Variants in AGBL1 observed in about 807,000 individuals in gnomAD.
The protein encoded by AGBL1 is AGBL carboxypeptidase 1.
AGBL1 carries 130 observed loss-of-function variants against 118.9 expected under a neutral mutation model. The ratio of observed to expected loss-of-function variants is 1.09; its 90% confidence interval spans 0.95 to 1.26. The LOEUF is 1.26. AGBL1 is among the 50% of genes most tolerant of loss of function. The pLI is 0.00. For missense variants in AGBL1, 1,584 were observed against 1,298.1 expected (o/e 1.22, Z -3.38); for synonymous variants, 555 against 478.9 (o/e 1.16, Z -2.08).
chr15:86,154,403 C>T (rs753183150), intron 3 of AGBL1, 27 bp from the exon 4 acceptor site: 6 of 1,606,424 alleles, frequency 3.7e-6, no homozygotes, highest in Non-Finnish European at 4.3e-6. Flanking sequence ...TGAAGTGCAA[C>T]TAAGATAGAT....
intron 17 of AGBL1, among the ~76,000 whole-genome samples, chr15:86,342,915 A>G (rs1046546070): frequency 6.6e-6 from 1 of 152,220 alleles, no homozygotes; most frequent in African/African-American, 2.4e-5. Flanking sequence ...TGAGAGCAGC[A>G]TTTTGTAAAT....
At chr15:86,487,602 A>G (rs1013183202) in intron 18 of AGBL1, among the ~76,000 whole-genome samples, 7 of 151,982 alleles carry the variant, frequency 4.6e-5, no homozygotes, top group African/African-American at 1.4e-4. Flanking sequence ...GCTTCAATCT[A>G]AAGGAGAATG....
intron 22 of AGBL1, among the ~76,000 whole-genome samples, chr15:86,897,262 G>A (rs1408134524): frequency 1.3e-5 from 2 of 152,134 alleles, no homozygotes; most frequent in East Asian, 1.9e-4. Context: ...CTTTGACATA[G>A]AGACAGTATT....
At chr15:86,488,016 C>G (rs1162817903) in intron 18 of AGBL1, among the ~76,000 whole-genome samples, 1 of 152,000 alleles carries the variant, frequency 6.6e-6, no homozygotes, top group African/African-American at 2.4e-5. Context: ...AATAAGAGCA[C>G]TAAACATCAT....
chr15:86,449,464 G>A (rs901558397), intron 18 of AGBL1, among the ~76,000 whole-genome samples: 10 of 152,198 alleles, frequency 6.6e-5, no homozygotes, highest in Non-Finnish European at 1.3e-4. Flanking sequence ...GTGGTTGAAC[G>A]TCTATGCTAT....
chr15:86,906,909 T>C (rs1231479048), intron 22 of AGBL1, among the ~76,000 whole-genome samples, 178 bp from the exon 23 acceptor site: 1 of 152,130 alleles, frequency 6.6e-6, no homozygotes, highest in East Asian at 1.9e-4. Flanking sequence ...AGCAGGAAAC[T>C]TCCACTCTCC....
At chr15:86,900,739 A>G (rs1247228858) in intron 22 of AGBL1, among the ~76,000 whole-genome samples, 2 of 151,966 alleles carry the variant, frequency 1.3e-5, no homozygotes, top group Non-Finnish European at 2.9e-5. Flanking sequence ...TCTCTGCCCA[A>G]CCTTTTTACT....
At chr15:86,276,986 T>G (rs955645540) in intron 15 of AGBL1, among the ~76,000 whole-genome samples, 3 of 152,002 alleles carry the variant, frequency 2.0e-5, no homozygotes, top group Non-Finnish European at 4.4e-5. Flanking sequence ...GGAAGCAGAG[T>G]CATCTCCTGG....
chr15:86,545,185 C>T (rs556361926), intron 19 of AGBL1, among the ~76,000 whole-genome samples: 1 of 152,306 alleles, frequency 6.6e-6, no homozygotes, highest in Non-Finnish European at 1.5e-5. Context: ...CTTCTTTAGC[C>T]TGGATCCTAG....
intron 1 of AGBL1, among the ~76,000 whole-genome samples, chr15:86,106,905 G>C (rs1015792965): frequency 6.6e-6 from 1 of 152,192 alleles, no homozygotes; most frequent in Non-Finnish European, 1.5e-5. Context: ...TGCTGGCAGT[G>C]TGCTGTGGAG....
At chr15:86,693,122 C>T (rs1365012048) in intron 22 of AGBL1, among the ~76,000 whole-genome samples, 2 of 152,030 alleles carry the variant, frequency 1.3e-5, no homozygotes, top group South Asian at 2.1e-4. Flanking sequence ...TGGGTAGATA[C>T]CCAGTAGTGT....
intron 1 of AGBL1, among the ~76,000 whole-genome samples, chr15:86,106,942 A>T (rs565563681): frequency 6.6e-6 from 1 of 152,202 alleles, no homozygotes; most frequent in Non-Finnish European, 1.5e-5. Flanking sequence ...GCAGTGATCA[A>T]TGTTATTTGC....
chr15:86,080,132 T>G (rs1403418105), intron 1 of AGBL1, 109 bp downstream of exon 1: 1 of 841,796 alleles, frequency 1.2e-6, no homozygotes, highest in East Asian at 3.3e-5. Flanking sequence ...TGGCCCAGTT[T>G]GTTAACAGCA....
intron 18 of AGBL1, among the ~76,000 whole-genome samples, chr15:86,496,514 A>C (rs1477976614): frequency 6.6e-6 from 1 of 151,972 alleles, no homozygotes; most frequent in East Asian, 1.9e-4. Context: ...GATTACTTTA[A>C]TTTTATATTT....
chr15:86,513,292 T>C (rs2083074764), intron 18 of AGBL1, among the ~76,000 whole-genome samples: 1 of 151,964 alleles, frequency 6.6e-6, no homozygotes, highest in South Asian at 2.1e-4. Flanking sequence ...GTGAGTTATA[T>C]ATAGAATATC....
At chr15:86,288,266 A>G (rs889895622) in intron 16 of AGBL1, among the ~76,000 whole-genome samples, 11 of 152,192 alleles carry the variant, frequency 7.2e-5, no homozygotes, top group African/African-American at 2.7e-4. Flanking sequence ...TGAATCCAGC[A>G]CTATCCATAC....
chr15:86,695,306 C>T (rs1199124973), intron 22 of AGBL1, among the ~76,000 whole-genome samples: 1 of 151,956 alleles, frequency 6.6e-6, no homozygotes, highest in African/African-American at 2.4e-5. Flanking sequence ...TCTAATTCTT[C>T]CTGATTTAAA....
At chr15:86,890,738 A>T (rs533070146) in intron 22 of AGBL1, among the ~76,000 whole-genome samples, 4 of 151,936 alleles carry the variant, frequency 2.6e-5, no homozygotes, top group African/African-American at 9.6e-5. Flanking sequence ...ATTCTATTCC[A>T]TTGGTCTATG....
chr15:86,143,121 T>G (rs1415522100), intron 2 of AGBL1, among the ~76,000 whole-genome samples: 2 of 152,220 alleles, frequency 1.3e-5, no homozygotes, highest in African/African-American at 4.8e-5. Flanking sequence ...AGACCAATAG[T>G]TCGTCATAGC....
Sources: gnomAD v4.1 joint callset for allele counts (sites outside exome capture counted in the v4.1 genomes callset) on GRCh38, gnomAD v4.1.1 for gene constraint, MANE v1.5 for transcripts, NCBI Gene and HGNC (gene_info 2026-07-23, HGNC 2026-07-21) for gene names.